Variants in TAAR1 observed in about 807,000 individuals in gnomAD.
The protein encoded by TAAR1 is trace amine-associated receptor 1.
TAAR1 carries 1 observed loss-of-function variant against 1.2 expected under a neutral mutation model. The observed-to-expected ratio is 0.81, with a 90% CI of 0.29 to 3.86. The LOEUF is 3.86. Among genes scored for constraint, TAAR1 ranks in the 30% most tolerant of loss-of-function variants. TAAR1 has a pLI of 0.18. For missense variants in TAAR1, 445 were observed against 405.6 expected, an observed-to-expected ratio of 1.10 and a Z score of -0.83; for synonymous variants, 153 against 132.2, an observed-to-expected ratio of 1.16 and a Z score of -1.08.
At chr6:132,651,100 T>C (rs950902031) in intron 1 of TAAR1, among the ~76,000 whole-genome samples, 1 of 152,202 alleles carries the variant, frequency 6.6e-6, no homozygotes, top group South Asian at 2.1e-4. Flanking sequence ...AAGTTCTTGC[T>C]TGGCCTTTCA....
chr6:132,654,828 C>T (rs9321360), intron 1 of TAAR1, among the ~76,000 whole-genome samples: 5 of 151,932 alleles, frequency 3.3e-5, no homozygotes, highest in Admixed American at 6.6e-5. Context: ...AATTAAGCAT[C>T]GAATTCACTT....
Position 132,652,320 on chromosome 6 carries a change from T to C in TAAR1, c.-126-6191A>G, listed in dbSNP as rs572707791. Among the ~76,000 whole-genome samples the C allele has an allele frequency of 3.6e-4, 54 of 149,314 alleles. No homozygotes were observed. In the South Asian group the frequency reaches 0.011, roughly 31 times the overall value. On this transcript the variant is annotated intron_variant, in intron 1 of 1. Transcript: ENST00000275216. ...CAGATATTCTGCTTTTTTTTTTTTT[T>C]CTGAGATGGAGTCTTGCTCTGTCAC...
chr6:132,656,181 C>CA lies in TAAR1; in HGVS notation c.-127+2948dup, dbSNP rs1777802768. ...GAAAAACAACCAAACAAAAAGAAAA[C>CA]AAAAACAAAAAAAACTATTTTCTAG... On this transcript the variant is annotated intron_variant, in intron 1 of 1. Coordinates refer to ENST00000275216, the MANE Select transcript of TAAR1 (RefSeq NM_138327.4). 1.3e-5 allele frequency among the ~76,000 whole-genome samples: 2 copies of CA among 151,624 alleles called. 1 individual carries two copies. Among genetic ancestry groups the CA allele is most frequent in the African/African-American group, 4.8e-5 (2 of 41,300 alleles).
intron 1 of TAAR1, among the ~76,000 whole-genome samples, chr6:132,646,911 G>C (rs1777678167): frequency 6.6e-6 from 1 of 151,950 alleles, no homozygotes; most frequent in Admixed American, 6.6e-5. Context: ...ACCAACTTGA[G>C]GTCAATTTTT....
intron 1 of TAAR1, among the ~76,000 whole-genome samples, chr6:132,650,247 A>G (rs1777735991): frequency 6.6e-6 from 1 of 151,860 alleles, no homozygotes; most frequent in Non-Finnish European, 1.5e-5. Flanking sequence ...TATTTTACAC[A>G]CCTTTCCACT....
At chr6:132,654,703 T>A (rs907043231) in intron 1 of TAAR1, among the ~76,000 whole-genome samples, 1 of 152,194 alleles carries the variant, frequency 6.6e-6, no homozygotes, top group Non-Finnish European at 1.5e-5. Context: ...AAGATTCTTA[T>A]ACCTAATACC....
Position 132,645,228 on chromosome 6 carries a change from A to G in TAAR1, c.776T>C (p.Val259Ala). The G allele has an allele frequency of 6.2e-7, 1 of 1,613,330 alleles. No individual in the cohort carries two copies. The highest frequency in any genetic ancestry group is 8.5e-7 in the Non-Finnish European group (1 of 1,179,658). The part of the protein sequence containing the change: ...AVKTLGIVMG[V>A]FLICWCPFFI... ...GAAAGGGCACCAGCATATTAGGAAA[A>G]CTCCCATCACAATCCCCAATGTCTT... Residue 259 changes from valine (V) to alanine (A), a missense_variant, in exon 2 of 2, where the codon GTT (valine) becomes GCT (alanine). Coordinates refer to ENST00000275216, the MANE Select transcript of TAAR1 (RefSeq NM_138327.4).
rs1582749197 is a variant in TAAR1, at chr6:132,645,017, G to C, written c.987C>G (p.Ser329=). The change falls in exon 2 of 2, where the codon TCC becomes TCG. Residue 329 remains serine, a synonymous_variant. Transcript: ENST00000275216. ...TCAATTCCAAAAATAATTTACACCT[G>C]GATGAATCTTTTTGGAAAATTTTAC... ...LFGKIFQKDS[S]RCKLFLELSS The C allele has an allele frequency of 6.3e-7, 1 of 1,580,476 alleles. No individual in the cohort carries two copies. The highest frequency in any genetic ancestry group is 8.5e-7 in the Non-Finnish European group (1 of 1,170,222).
chr6:132,652,306 CTT>C (rs11458413), intron 1 of TAAR1, among the ~76,000 whole-genome samples: 6 of 139,878 alleles, frequency 4.3e-5, no homozygotes, highest in East Asian at 4.3e-4. Context: ...AGATATTCTG[CTT>C]TTTTTTTTTT....
chr6:132,651,138 C>T (rs1314903783), intron 1 of TAAR1, among the ~76,000 whole-genome samples: 2 of 152,176 alleles, frequency 1.3e-5, no homozygotes, highest in Admixed American at 1.3e-4. Flanking sequence ...TTTCTTCCCT[C>T]GGCTCCTGGG....
At chr6:132,647,786 A>T (rs1777704070) in intron 1 of TAAR1, among the ~76,000 whole-genome samples, 1 of 152,146 alleles carries the variant, frequency 6.6e-6, no homozygotes, top group Admixed American at 6.6e-5. Context: ...TGGTAGGAAA[A>T]TGCTAGAAAA....
chr6:132,651,720 C>T (rs1291157715), intron 1 of TAAR1, among the ~76,000 whole-genome samples: 1 of 152,186 alleles, frequency 6.6e-6, no homozygotes, highest in East Asian at 1.9e-4. Context: ...TGTCTCTCCA[C>T]AGAAAGTATC....
At chr6:132,655,777 T>C (rs1490953999) in intron 1 of TAAR1, among the ~76,000 whole-genome samples, 1 of 152,192 alleles carries the variant, frequency 6.6e-6, no homozygotes, top group Non-Finnish European at 1.5e-5. Flanking sequence ...TGAGAGAAGA[T>C]GGTGCTTTGG....
chr6:132,653,644 T>G (rs1011099421), intron 1 of TAAR1, among the ~76,000 whole-genome samples: 1 of 152,206 alleles, frequency 6.6e-6, no homozygotes, highest in Non-Finnish European at 1.5e-5. Flanking sequence ...TAATAAATAG[T>G]CTAAAATACA....
intron 1 of TAAR1, among the ~76,000 whole-genome samples, chr6:132,647,854 C>T (rs1378481939): frequency 6.6e-6 from 1 of 151,898 alleles, no homozygotes; most frequent in African/African-American, 2.4e-5. Context: ...TTTCCCTTCC[C>T]TCTGGGCTGA....
chr6:132,645,042 C>G lies in TAAR1; in HGVS notation c.962G>C (p.Gly321Ala). The G allele has an allele frequency of 3.1e-6, 5 of 1,587,672 alleles. No individual in the cohort carries two copies. Among genetic ancestry groups the G allele is most frequent in the Non-Finnish European group, 4.3e-6 (5 of 1,172,950 alleles). Residue 321 changes from glycine to alanine, a missense_variant, in exon 2 of 2, where the codon GGT (glycine) becomes GCT (alanine). Gly to Ala is a moderately conservative substitution (Grantham distance 60, BLOSUM62 0). Coordinates refer to ENST00000275216, the MANE Select transcript of TAAR1 (RefSeq NM_138327.4). ...GGATGAATCTTTTTGGAAAATTTTA[C>G]CAAACAGCATCATCTTCAGTGCTTT... Reference protein sequence around the residue: ...FRKALKMMLFGKIFQKDSSRC... With the variant: ...FRKALKMMLFAKIFQKDSSRC...
At position 132,645,419 on chromosome 6, in the gene TAAR1, A is replaced by G. The variant is rs1383923274; in HGVS notation, c.585T>C (p.Phe195=). 1 of 1,613,764 alleles carries G rather than the reference A, an allele frequency of 6.2e-7. No homozygotes were observed. The highest frequency in any genetic ancestry group is 1.7e-5 in the Admixed American group (1 of 59,938). The change falls in exon 2 of 2, where the codon TTT becomes TTC. Residue 195 remains phenylalanine (F), a synonymous_variant. Coordinates refer to ENST00000275216, the MANE Select transcript of TAAR1 (RefSeq NM_138327.4). ...FFSKISGVLT[F]MTSFYIPGSI... is the part of the protein sequence containing the mutation. ...ATCCAGGTATATAAAAAGAAGTCAT[A>G]AAGGTCAGTACCCCAGATATTTTGC...
intron 1 of TAAR1, among the ~76,000 whole-genome samples, chr6:132,654,953 T>C (rs1054327954): frequency 1.3e-4 from 20 of 152,174 alleles, no homozygotes; most frequent in Non-Finnish European, 1.0e-4. Flanking sequence ...GAAGCAAGCA[T>C]TGTAAATAGA....
chr6:132,650,660 T>C (rs1201125108), intron 1 of TAAR1, among the ~76,000 whole-genome samples: 1 of 152,160 alleles, frequency 6.6e-6, no homozygotes, highest in East Asian at 1.9e-4. Flanking sequence ...CTCCAGCCTA[T>C]ACCTGTTTAC....
Sources: allele counts gnomAD v4.1 joint callset (sites outside exome capture counted in the v4.1 genomes callset), GRCh38; gene constraint gnomAD v4.1.1; transcripts MANE v1.5; gene names NCBI Gene and HGNC (gene_info 2026-07-23, HGNC 2026-07-21).